Variants in COBLL1 observed in about 807,000 individuals in gnomAD.
The protein encoded by COBLL1 is cordon-bleu protein-like 1.
Under a neutral mutation model 94.8 loss-of-function variants are expected in COBLL1, and 50 were observed. That is an observed-to-expected ratio of 0.53 (90% CI 0.42 to 0.67). COBLL1 has a LOEUF of 0.67. COBLL1 is among the 30% of genes least tolerant of loss of function. The pLI, the probability that COBLL1 is intolerant of heterozygous loss-of-function variation, is 0.00. For missense variants in COBLL1, 1,362 were observed against 1,348.7 expected (o/e 1.01, Z -0.15); for synonymous variants, 448 against 473.8 (o/e 0.95, Z 0.71).
chr2:164,708,118 C>T (rs569387400), intron 7 of COBLL1, among the ~76,000 whole-genome samples: 11 of 152,206 alleles, frequency 7.2e-5, no homozygotes, highest in African/African-American at 2.4e-4. Flanking sequence ...CAGGGGGGTG[C>T]GACAAGGTGG....
chr2:164,761,728 T>C (rs931608006), intron 2 of COBLL1, among the ~76,000 whole-genome samples: 1 of 152,210 alleles, frequency 6.6e-6, no homozygotes, highest in Non-Finnish European at 1.5e-5. Flanking sequence ...ATATAATTCA[T>C]GAAAAGATCA....
chr2:164,820,839 T>C (rs576896696), intron 2 of COBLL1, among the ~76,000 whole-genome samples: 1 of 152,294 alleles, frequency 6.6e-6, no homozygotes, highest in South Asian at 2.1e-4. Context: ...GCTTTATGAT[T>C]AAAATAATAA....
At chr2:164,704,412 T>C (rs1480307333) in intron 9 of COBLL1, 32 bp downstream of exon 9, 4 of 1,385,780 alleles carry the variant, frequency 2.9e-6, no homozygotes, top group Non-Finnish European at 3.1e-6. Flanking sequence ...CCTTTTTCAG[T>C]AATTACACCA....
chr2:164,728,125 G>A lies in COBLL1; in HGVS notation c.505C>T (p.Leu169Phe). Residue 169 changes from leucine (L) to phenylalanine (F), a missense_variant, in exon 5 of 14, where the codon CTT becomes TTT. Coordinates refer to ENST00000652658, the MANE Select transcript of COBLL1 (RefSeq NM_001365672.2). ...TIVRVSPHAS[L>F]QELAPIICSK... ...CATATAATAGGGGCAAGCTCTTGAA[G>A]CGATGCATGTGGACTCACTCTCACT... 4.3e-6 allele frequency: 7 copies of A among 1,613,728 alleles called. No homozygotes were observed. Among genetic ancestry groups the A allele is most frequent in the Non-Finnish European group, 5.9e-6 (7 of 1,179,696 alleles).
At chr2:164,734,215 A>AC (rs1686175107) in intron 3 of COBLL1, among the ~76,000 whole-genome samples, 2 of 137,642 alleles carry the variant, frequency 1.5e-5, no homozygotes, top group Non-Finnish European at 3.2e-5. Flanking sequence ...ACATGCTCTG[A>AC]CAAAAAAAAA....
At chr2:164,733,064 AACAAAACAAAAC>A (rs1282021106) in intron 3 of COBLL1, among the ~76,000 whole-genome samples, 1 of 152,212 alleles carries the variant, frequency 6.6e-6, no homozygotes, top group Non-Finnish European at 1.5e-5. Context: ...CAAAAAACAA[AACAAAACAAAAC>A]ACAAAACAAA....
At chr2:164,774,307 T>C (rs1688357257) in intron 2 of COBLL1, among the ~76,000 whole-genome samples, 1 of 152,186 alleles carries the variant, frequency 6.6e-6, no homozygotes, top group Non-Finnish European at 1.5e-5. Context: ...CATCATTTTC[T>C]ACCACGGAAG....
At chr2:164,725,580 G>A (rs1392384643) in intron 5 of COBLL1, among the ~76,000 whole-genome samples, 4 of 151,920 alleles carry the variant, frequency 2.6e-5, no homozygotes, top group Non-Finnish European at 5.9e-5. Flanking sequence ...CACCACACCC[G>A]GCTAATTTTT....
intron 2 of COBLL1, among the ~76,000 whole-genome samples, chr2:164,830,779 G>A (rs895458493): frequency 6.6e-6 from 1 of 152,168 alleles, no homozygotes; most frequent in Non-Finnish European, 1.5e-5. Context: ...GTAAAGTGAA[G>A]TAAACTAGAA....
At chr2:164,744,345 C>T (rs1338061443) in intron 2 of COBLL1, among the ~76,000 whole-genome samples, 3 of 152,136 alleles carry the variant, frequency 2.0e-5, no homozygotes, top group African/African-American at 7.2e-5. Context: ...CAAACCCTAC[C>T]TTATCCTTCA....
chr2:164,831,588 A>G (rs1351822506), intron 2 of COBLL1, among the ~76,000 whole-genome samples: 2 of 152,146 alleles, frequency 1.3e-5, no homozygotes, highest in South Asian at 4.2e-4. Context: ...GAAATGGGGA[A>G]CAACACATTT....
Position 164,786,686 on chromosome 2 carries a change from G to A in COBLL1, c.42-42811C>T, listed in dbSNP as rs772672735. Reference sequence around the variant, plus strand: ...GCAGCCCTGTCTCCCTCAGGAGACAGAGATCCAGAATCACTTCCCAGAATG... The same window carrying A: ...GCAGCCCTGTCTCCCTCAGGAGACAAAGATCCAGAATCACTTCCCAGAATG... On this transcript the variant is annotated intron_variant, in intron 2 of 13. Transcript: ENST00000652658. Among the ~76,000 whole-genome samples the A allele has an allele frequency of 5.3e-5, 8 of 152,282 alleles. No individual in the cohort carries two copies. The South Asian group carries it at 8.3e-4, about 16-fold the overall frequency.
chr2:164,789,260 A>C (rs1275769569), intron 2 of COBLL1, among the ~76,000 whole-genome samples: 1 of 152,110 alleles, frequency 6.6e-6, no homozygotes, highest in Non-Finnish European at 1.5e-5. Flanking sequence ...AATAGAGATC[A>C]TGATGATAGA....
intron 9 of COBLL1, among the ~76,000 whole-genome samples, chr2:164,701,260 T>A (rs1420870897): frequency 1.3e-5 from 2 of 152,200 alleles, no homozygotes; most frequent in Admixed American, 1.3e-4. Context: ...GCTCACACCC[T>A]ACTCCACAAA....
Position 164,727,117 on chromosome 2 carries a change from G to T in COBLL1, c.661+852C>A. ...TTCATACATCTTACCTTGTAAAGAT[G>T]ACTTACTGAAGACAGTAACAGAAGT... On this transcript the variant is annotated intron_variant, in intron 5 of 13. Transcript: ENST00000652658. The T allele has an allele frequency of 2.7e-6, 4 of 1,498,296 alleles. No individual in the cohort carries two copies. The South Asian group carries it at 3.7e-5, about 14-fold the overall frequency. 92.8% of individuals were successfully genotyped at this position (1,498,296 alleles called of 1,614,324 possible).
chr2:164,743,889 A>G lies in COBLL1; in HGVS notation c.42-14T>C. ...TTTGGTTTTCTCCTAAAATATAAAGAAAACACAAAAAATACAAAATATTTT... is the reference window on the plus strand; with the variant it reads ...TTTGGTTTTCTCCTAAAATATAAAGGAAACACAAAAAATACAAAATATTTT... On this transcript the variant is annotated splice_polypyrimidine_tract_variant and intron_variant, in intron 2 of 13. Transcript: ENST00000652658. 2 of 1,489,116 alleles carry G rather than the reference A, an allele frequency of 1.3e-6. No homozygotes were observed. Among genetic ancestry groups the G allele is most frequent in the Non-Finnish European group, 1.8e-6 (2 of 1,112,650 alleles). The allele number at this position is 1,489,116 out of a possible 1,614,324, so 92.2% of individuals were successfully genotyped here.
intron 9 of COBLL1, among the ~76,000 whole-genome samples, chr2:164,702,406 A>G (rs1355519026): frequency 1.3e-5 from 2 of 151,666 alleles, no homozygotes; most frequent in Non-Finnish European, 2.9e-5. Flanking sequence ...TACTAAAAAT[A>G]CAAAAAAATT....
At chr2:164,687,484 T>C (rs961434825) in intron 13 of COBLL1, 14 of 1,453,272 alleles carry the variant, frequency 9.6e-6, no homozygotes, top group Admixed American at 8.4e-5. Flanking sequence ...CTCAATCACA[T>C]GCTCCTTGTT....
At chr2:164,702,407 C>CA (rs1260308133) in intron 9 of COBLL1, among the ~76,000 whole-genome samples, 5 of 150,966 alleles carry the variant, frequency 3.3e-5, no homozygotes, top group South Asian at 2.1e-4. Context: ...ACTAAAAATA[C>CA]AAAAAAATTA....
Sources: allele counts gnomAD v4.1 joint callset (sites outside exome capture counted in the v4.1 genomes callset), GRCh38; gene constraint gnomAD v4.1.1; transcripts MANE v1.5; gene names NCBI Gene and HGNC (gene_info 2026-07-23, HGNC 2026-07-21).